Variants in MMP14 observed in about 807,000 individuals in gnomAD.
MMP14 encodes the protein matrix metalloproteinase-14.
MMP14 carries 13 observed loss-of-function variants against 64.8 expected under a neutral mutation model. The ratio of observed to expected loss-of-function variants is 0.20; its 90% confidence interval spans 0.13 to 0.32. The LOEUF is 0.32. Ranked by LOEUF, MMP14 falls within the 10% of genes least tolerant of loss-of-function variation. MMP14 has a pLI of 1.00. For synonymous variants in MMP14, 322 were observed against 315.9 expected, an observed-to-expected ratio of 1.02 and a Z score of -0.20; for missense variants, 594 against 783.8, an observed-to-expected ratio of 0.76 and a Z score of 2.89.
At position 22,847,539 on chromosome 14, in the gene MMP14, GTTTT is replaced by G. The variant is rs1391945161; in HGVS notation, c.*1504_*1507del. On this transcript the variant is annotated 3_prime_UTR_variant, in exon 10 of 10. Transcript: ENST00000311852. Reference sequence around the variant, plus strand: ...GTTCGGCTAGATTTCTGTCTTGTTTGTTTTTTTGTTTTGTTTAATGTATATTTTT... The same window carrying G: ...GTTCGGCTAGATTTCTGTCTTGTTTGTTTGTTTTGTTTAATGTATATTTTT... The G allele has an allele frequency of 6.8e-6, 1 of 147,028 alleles. No individual in the cohort carries two copies. Among genetic ancestry groups the G allele is most frequent in the Non-Finnish European group, 1.5e-5 (1 of 67,244 alleles). The allele number at this position is 147,028 out of a possible 1,614,324, so 9.1% of individuals were successfully genotyped here. A position where few individuals can be genotyped will look rare whatever the true frequency, so the allele number is the denominator to read the frequency against.
chr14:22,837,194 T>G (rs1305185092), intron 1 of MMP14: 1 of 635,416 alleles, frequency 1.6e-6, no homozygotes, highest in Non-Finnish European at 2.9e-6. Flanking sequence ...TTGGAAGAAC[T>G]TTACAACTGG....
intron 1 of MMP14, among the ~76,000 whole-genome samples, chr14:22,840,857 G>T (rs2039768101): frequency 6.6e-6 from 1 of 152,214 alleles, no homozygotes; most frequent in African/African-American, 2.4e-5. Context: ...CCATAGGTCA[G>T]ATGCTGCTTG....
chr14:22,845,494 C>A, intron 9 of MMP14, 128 bp downstream of exon 9: 1 of 857,566 alleles, frequency 1.2e-6, no homozygotes, highest in Non-Finnish European at 1.8e-6. Flanking sequence ...ATACCAGGCG[C>A]TGGGCTAGGT....
rs200095510 is a variant in MMP14, at chr14:22,841,518, C to A, written c.136C>A (p.Pro46Thr). 1 of 1,614,036 alleles carries A rather than the reference C, an allele frequency of 6.2e-7. No individual in the cohort carries two copies. The highest frequency in any genetic ancestry group is 1.3e-5 in the African/African-American group (1 of 75,036). ...EAWLQQYGYL[P>T]PGDLRTHTQR... is the part of the protein sequence containing the mutation. ...CTGGCTACAGCAATATGGCTACCTG[C>A]CTCCCGGGGACCTACGTACCCACAC... The change falls in exon 2 of 10, where the codon CCT becomes ACT. Residue 46 changes from proline to threonine, a missense_variant. Physicochemically the swap from Pro to Thr is conservative, Grantham distance 38. This residue lies in a region of MMP14 where 179 missense variants were observed against 283.4 expected (regional missense o/e 0.63). Coordinates refer to ENST00000311852, the MANE Select transcript of MMP14 (RefSeq NM_004995.4).
chr14:22,846,239 T>C lies in MMP14; in HGVS notation c.*200T>C. 1 of 584,572 alleles carries C rather than the reference T, an allele frequency of 1.7e-6. No homozygotes were observed. The highest frequency in any genetic ancestry group is 2.9e-5 in the East Asian group (1 of 34,370). The allele number at this position is 584,572 out of a possible 1,614,324, so 36.2% of individuals were successfully genotyped here. A position where few individuals can be genotyped will look rare whatever the true frequency, so the allele number is the denominator to read the frequency against. On this transcript the variant is annotated 3_prime_UTR_variant, in exon 10 of 10. Coordinates refer to ENST00000311852, the MANE Select transcript of MMP14 (RefSeq NM_004995.4). ...GCCCCGGCATTGCATCTTCCCTAGA[T>C]AGGTCCCCTGAGGGCTGAGTGGGAG...
chr14:22,837,591 G>T (rs2039743981), intron 1 of MMP14, among the ~76,000 whole-genome samples: 1 of 152,278 alleles, frequency 6.6e-6, no homozygotes, highest in Non-Finnish European at 1.5e-5. Flanking sequence ...CTCCTTGTGA[G>T]CCGGGCGATC....
chr14:22,843,286 G>A lies in MMP14; in HGVS notation c.718G>A (p.Glu240Lys), dbSNP rs1566482096. 1 of 1,613,920 alleles carries A rather than the reference G, an allele frequency of 6.2e-7. No homozygotes were observed. Among genetic ancestry groups the A allele is most frequent in the Non-Finnish European group, 8.5e-7 (1 of 1,179,930 alleles). The change falls in exon 5 of 10, where the codon GAG becomes AAG. Residue 240 changes from glutamate (E) to lysine (K), a missense_variant. Physicochemically the swap from Glu to Lys is moderately conservative, Grantham distance 56. Transcript: ENST00000311852. This position sits in a 1 kb window ranked among gnomAD's most constrained non-coding sequence, Gnocchi z 4.8. ...TGACATCTTCCTGGTGGCTGTGCACGAGCTGGGCCATGCCCTGGGGCTCGA... is the reference window on the plus strand; with the variant it reads ...TGACATCTTCCTGGTGGCTGTGCACAAGCTGGGCCATGCCCTGGGGCTCGA... ...GNDIFLVAVH[E>K]LGHALGLEHS...
Position 22,836,828 on chromosome 14 carries a change from C to T in MMP14, c.11C>T (p.Ala4Val), listed in dbSNP as rs764392441. Residue 4 changes from alanine (A) to valine (V), a missense_variant, in exon 1 of 10, where the codon GCC becomes GTC. Ala to Val is a moderately conservative substitution (Grantham distance 64). Transcript: ENST00000311852. ...CGGTGGTCTCGGACCATGTCTCCCG[C>T]CCCAAGACCCCCCCGTTGTCTCCTG... MSP[A>V]PRPPRCLLLP... 1.2e-6 allele frequency: 2 copies of T among 1,609,490 alleles called. 1 individual carries two copies. Among genetic ancestry groups the T allele is most frequent in the Middle Eastern group, 3.3e-4 (2 of 6,040 alleles).
chr14:22,838,310 A>G (rs2138735126), intron 1 of MMP14, among the ~76,000 whole-genome samples: 1 of 152,200 alleles, frequency 6.6e-6, no homozygotes, highest in Admixed American at 6.5e-5. Context: ...TCACTGCCTT[A>G]CCTTTTTTCC....
chr14:22,837,027 A>T (rs1459721287), intron 1 of MMP14, 102 bp downstream of exon 1: 1 of 856,792 alleles, frequency 1.2e-6, no homozygotes. Flanking sequence ...GGCTTTTGGG[A>T]TCTCCGCTGC....
chr14:22,838,107 G>A (rs1403146372), intron 1 of MMP14, among the ~76,000 whole-genome samples: 2 of 152,212 alleles, frequency 1.3e-5, no homozygotes, highest in African/African-American at 4.8e-5. Flanking sequence ...ATGGCCCCAG[G>A]AATCGGGGTG....
At position 22,836,801 on chromosome 14, in the gene MMP14, C is replaced by A; in HGVS notation, c.-17C>A. The A allele has an allele frequency of 1.9e-6, 3 of 1,553,198 alleles. No homozygotes were observed. The highest frequency in any genetic ancestry group is 2.6e-6 in the Non-Finnish European group (3 of 1,135,766). On this transcript the variant is annotated 5_prime_UTR_variant, in exon 1 of 10. Coordinates refer to ENST00000311852, the MANE Select transcript of MMP14 (RefSeq NM_004995.4). ...CGCGGAGCCCACACTGCCCGGCTGA[C>A]CCGGTGGTCTCGGACCATGTCTCCC...
In MMP14 at chr14:22,846,157, T is replaced by A. The variant is rs1427909744; in HGVS notation, c.*118T>A. On this transcript the variant is annotated 3_prime_UTR_variant, in exon 10 of 10. Transcript: ENST00000311852. ...CCCGAGCCCCCTCCCCGCAGCCTCC[T>A]TGCTTCTCTCTGTCCCCTGGCTGGC... 3.9e-6 allele frequency: 4 copies of A among 1,020,150 alleles called. No individual in the cohort carries two copies. The highest frequency in any genetic ancestry group is 5.5e-6 in the Non-Finnish European group (4 of 722,958). 63.2% of individuals were successfully genotyped at this position (1,020,150 alleles called of 1,614,324 possible).
At chr14:22,845,558 A>C in intron 9 of MMP14, 150 bp from the exon 10 acceptor site, 2 of 945,762 alleles carry the variant, frequency 2.1e-6, no homozygotes, top group African/African-American at 3.3e-5. Context: ...TGGTACTATA[A>C]GCACCCCCAT....
At position 22,845,320 on chromosome 14, in the gene MMP14, A is replaced by G. The variant is rs2039804617; in HGVS notation, c.1371A>G (p.Glu457=). 6.2e-7 allele frequency: 1 copy of G among 1,613,360 alleles called. No individual in the cohort carries two copies. The highest frequency in any genetic ancestry group is 8.5e-7 in the Non-Finnish European group (1 of 1,179,686). The stretch of plus-strand genomic sequence containing the variant: ...ACCCCAAGAACATCAAAGTCTGGGA[A>G]GGGATCCCTGAGTCTCCCAGAGGGT... ...SEYPKNIKVW[E]GIPESPRGSF... is the part of the protein sequence containing the mutation. The change falls in exon 9 of 10, where the codon GAA becomes GAG. Residue 457 remains glutamate, a synonymous_variant. Transcript: ENST00000311852.
chr14:22,845,576 C>A, intron 9 of MMP14, 132 bp from the exon 10 acceptor site: 4 of 1,028,014 alleles, frequency 3.9e-6, no homozygotes, highest in Non-Finnish European at 5.8e-6. Context: ...CATTTTACAG[C>A]TGAGGAAGCT....
chr14:22,841,810 C>A, intron 2 of MMP14, 103 bp from the exon 3 acceptor site: 1 of 1,554,264 alleles, frequency 6.4e-7, no homozygotes. Flanking sequence ...CTTGGCCTTT[C>A]CCCACATTGA....
chr14:22,836,842 C>A lies in MMP14; in HGVS notation c.25C>A (p.Arg9Ser). Reference sequence around the variant, plus strand: ...CATGTCTCCCGCCCCAAGACCCCCCCGTTGTCTCCTGCTCCCCCTGCTCAC... The same window carrying A: ...CATGTCTCCCGCCCCAAGACCCCCCAGTTGTCTCCTGCTCCCCCTGCTCAC... Reference protein sequence around the residue: MSPAPRPPRCLLLPLLTLG... With the variant: MSPAPRPPSCLLLPLLTLG... The change falls in exon 1 of 10, where the codon CGT (arginine) becomes AGT (serine). Residue 9 changes from arginine (R) to serine (S), a missense_variant. Arg to Ser is a moderately radical substitution (Grantham distance 110). Transcript: ENST00000311852. The A allele has an allele frequency of 4.3e-6, 7 of 1,613,122 alleles. No individual in the cohort carries two copies. Among genetic ancestry groups the A allele is most frequent in the Non-Finnish European group, 5.9e-6 (7 of 1,179,458 alleles).
Position 22,843,170 on chromosome 14 carries a change from GA to G in MMP14, c.689-86del. On this transcript the variant is annotated intron_variant, in intron 4 of 9. Coordinates refer to ENST00000311852, the MANE Select transcript of MMP14 (RefSeq NM_004995.4). This position sits in a 1 kb window ranked among gnomAD's most constrained non-coding sequence, Gnocchi z 4.8. The stretch of plus-strand genomic sequence containing the variant: ...ATTGAAAACATGGGCAGCAGGCTTG[GA>G]GGTGAAACCAAAGCTGCTGGTGGGG... The G allele has an allele frequency of 6.8e-7, 1 of 1,467,650 alleles. No homozygotes were observed. The highest frequency in any genetic ancestry group is 1.3e-5 in the South Asian group (1 of 78,468). The allele number at this position is 1,467,650 out of a possible 1,614,324, so 90.9% of individuals were successfully genotyped here.
Sources: gnomAD v4.1 joint callset for allele counts (sites outside exome capture counted in the v4.1 genomes callset) on GRCh38, gnomAD v4.1.1 for gene constraint, gnomAD v4.1.1 regional missense constraint, Gnocchi (gnomAD v3.1) non-coding constraint, MANE v1.5 for transcripts, NCBI Gene and HGNC (gene_info 2026-07-23, HGNC 2026-07-21) for gene names.